The following PLS1 variants were observed in gnomAD, a reference collection of about 807,000 sequenced individuals.
PLS1 encodes plastin-1.
Under a neutral mutation model 73.7 loss-of-function variants are expected in PLS1, and 32 were observed. The observed-to-expected ratio is 0.43, with a 90% CI of 0.33 to 0.58. PLS1 has a LOEUF of 0.58. Among genes scored for constraint, PLS1 ranks in the 20% least tolerant of loss-of-function variants. The pLI, the probability that PLS1 is intolerant of heterozygous loss-of-function variation, is 0.04. For synonymous variants in PLS1, 217 were observed against 261.3 expected (o/e 0.83, Z 1.63); for missense variants, 633 against 740.5 (o/e 0.85, Z 1.68).
chr3:142,706,603 T>C (rs1047539861), intron 14 of PLS1, among the ~76,000 whole-genome samples: 6 of 152,088 alleles, frequency 3.9e-5, no homozygotes, highest in African/African-American at 1.4e-4. Flanking sequence ...GGAATACCAA[T>C]CTGAATGTAG....
chr3:142,621,946 C>T (rs1259453301), intron 1 of PLS1, among the ~76,000 whole-genome samples: 1 of 152,168 alleles, frequency 6.6e-6, no homozygotes, highest in Non-Finnish European at 1.5e-5. Flanking sequence ...AACATTAATG[C>T]CACCGCATCC....
intron 9 of PLS1, among the ~76,000 whole-genome samples, chr3:142,688,817 G>T (rs7635167): frequency 1.3e-5 from 2 of 152,136 alleles, no homozygotes; most frequent in African/African-American, 4.8e-5. Flanking sequence ...AGGTATTTGG[G>T]TTGTTTCATT....
chr3:142,600,790 GGAGA>G lies in PLS1; in HGVS notation c.-37+4289_-37+4292del, dbSNP rs753990506. Reference sequence around the variant, plus strand: ...AACGATGGTCCATTAAAAATGTCAAGGAGAGAGAGAGCAGTTGAGAGGAGAGACA... The same window carrying G: ...AACGATGGTCCATTAAAAATGTCAAGGAGAGAGCAGTTGAGAGGAGAGACA... On this transcript the variant is annotated intron_variant, in intron 1 of 15. Coordinates refer to ENST00000457734, the MANE Select transcript of PLS1 (RefSeq NM_001145319.2). 5.6e-5 allele frequency among the ~76,000 whole-genome samples: 8 copies of G among 143,738 alleles called. No homozygotes were observed. In the East Asian group the frequency reaches 8.6e-4, roughly 15 times the overall value. The allele number at this position is 143,738 out of a possible 152,430, so 94.3% of individuals were successfully genotyped here.
chr3:142,655,827 A>T (rs1410112371), intron 1 of PLS1, among the ~76,000 whole-genome samples: 1 of 152,022 alleles, frequency 6.6e-6, no homozygotes. Flanking sequence ...ATAATGGTGC[A>T]TAATTGAAGT....
chr3:142,650,755 C>T (rs983156786), intron 1 of PLS1, among the ~76,000 whole-genome samples: 1 of 152,082 alleles, frequency 6.6e-6, no homozygotes, highest in Non-Finnish European at 1.5e-5. Flanking sequence ...AAATTACACT[C>T]GAAGTGTTAA....
chr3:142,658,468 T>G (rs1297978311), intron 1 of PLS1, among the ~76,000 whole-genome samples: 1 of 149,182 alleles, frequency 6.7e-6, no homozygotes, highest in Non-Finnish European at 1.5e-5. Context: ...AAAGTGAGAC[T>G]TTGTCTCCAA....
chr3:142,647,165 C>T (rs191989682), intron 1 of PLS1, among the ~76,000 whole-genome samples: 42 of 152,172 alleles, frequency 2.8e-4, no homozygotes, highest in African/African-American at 7.9e-4. Context: ...AAAAGACTAA[C>T]GGAAAATTAA....
chr3:142,637,861 CCTCT>C (rs200550987), intron 1 of PLS1, among the ~76,000 whole-genome samples: 1 of 151,720 alleles, frequency 6.6e-6, no homozygotes, highest in African/African-American at 2.4e-5. Context: ...CCCCCCGCCC[CCTCT>C]CTCTCTCTAT....
At chr3:142,641,279 A>G (rs957839630) in intron 1 of PLS1, among the ~76,000 whole-genome samples, 1 of 146,006 alleles carries the variant, frequency 6.8e-6, no homozygotes, top group Non-Finnish European at 1.5e-5. Context: ...TATTATCTAT[A>G]TATCTATATT....
At chr3:142,647,148 A>G (rs1031339032) in intron 1 of PLS1, among the ~76,000 whole-genome samples, 2 of 152,232 alleles carry the variant, frequency 1.3e-5, no homozygotes, top group African/African-American at 2.4e-5. Flanking sequence ...CAAATTACCA[A>G]TAGTCAAAAA....
chr3:142,607,350 G>A (rs1454393230), intron 1 of PLS1, among the ~76,000 whole-genome samples: 2 of 152,114 alleles, frequency 1.3e-5, no homozygotes, highest in African/African-American at 4.8e-5. Context: ...TGCGATCTCG[G>A]CTCACTGCAA....
chr3:142,684,157 T>G lies in PLS1; in HGVS notation c.731T>G (p.Ile244Ser), dbSNP rs2037913272. The G allele has an allele frequency of 6.2e-7, 1 of 1,613,978 alleles. No individual in the cohort carries two copies. The highest frequency in any genetic ancestry group is 1.3e-5 in the African/African-American group (1 of 74,934). ...IKVGLFADIE[I>S]SRNEALIALL... ...GTTGGCCTTTTTGCTGATATTGAGA[T>G]TTCCAGGAATGAAGGTAAGATCATT... is the stretch of plus-strand genomic sequence containing the variant. The change falls in exon 7 of 16, where the codon ATT becomes AGT. Residue 244 changes from isoleucine (I) to serine (S), a missense_variant. Transcript: ENST00000457734.
chr3:142,669,958 G>A (rs1304345533), intron 3 of PLS1, among the ~76,000 whole-genome samples: 1 of 152,186 alleles, frequency 6.6e-6, no homozygotes, highest in Non-Finnish European at 1.5e-5. Flanking sequence ...TGTGAGTAAT[G>A]TGATGAGTAA....
chr3:142,617,529 G>A (rs749269503), intron 1 of PLS1, among the ~76,000 whole-genome samples: 17 of 152,072 alleles, frequency 1.1e-4, no homozygotes, highest in Non-Finnish European at 2.1e-4. Context: ...TGTATTAATC[G>A]TTTGTTCAAG....
rs1482080736 is a variant in PLS1, at chr3:142,629,201, T to A, written c.-37+32692T>A. Among the ~76,000 whole-genome samples the A allele has an allele frequency of 1.0e-4, 3 of 29,356 alleles. No individual in the cohort carries two copies. In the East Asian group the frequency reaches 1.5e-3, roughly 15 times the overall value. 19.3% of individuals were successfully genotyped at this position (29,356 alleles called of 152,430 possible). Reference sequence around the variant, plus strand: ...GGCTGTTTTAAGGATTGGAAATAATTTTTTTTTTTTTTTGAGACATAGTCT... The same window carrying A: ...GGCTGTTTTAAGGATTGGAAATAATATTTTTTTTTTTTTGAGACATAGTCT... On this transcript the variant is annotated intron_variant, in intron 1 of 15. Coordinates refer to ENST00000457734, the MANE Select transcript of PLS1 (RefSeq NM_001145319.2).
At position 142,704,522 on chromosome 3, in the gene PLS1, T is replaced by C; in HGVS notation, c.1565T>C (p.Ile522Thr). 6.3e-7 allele frequency: 1 copy of C among 1,595,452 alleles called. No homozygotes were observed. Among genetic ancestry groups the C allele is most frequent in the Non-Finnish European group, 8.6e-7 (1 of 1,165,240 alleles). The change falls in exon 14 of 16, where the codon ATA (isoleucine) becomes ACA (threonine). Residue 522 changes from isoleucine (I) to threonine (T), a missense_variant. Transcript: ENST00000457734. ...GGTGAAAAAGTAAATGATGAAATTA[T>C]AATTAAATGGGTCAATCAGACTCTT... ...GEGEKVNDEI[I>T]IKWVNQTLKS...
chr3:142,598,926 G>A (rs1265902954), intron 1 of PLS1, among the ~76,000 whole-genome samples: 1 of 151,892 alleles, frequency 6.6e-6, no homozygotes, highest in African/African-American at 2.4e-5. Context: ...GCATGAACCC[G>A]GGAGGCGGAG....
At chr3:142,612,801 T>G (rs994772004) in intron 1 of PLS1, among the ~76,000 whole-genome samples, 3 of 152,134 alleles carry the variant, frequency 2.0e-5, no homozygotes, top group Admixed American at 2.0e-4. Context: ...AGACAGAGTA[T>G]CAGTCTGTCA....
At chr3:142,680,579 A>C (rs1011578964) in intron 6 of PLS1, among the ~76,000 whole-genome samples, 1 of 152,208 alleles carries the variant, frequency 6.6e-6, no homozygotes, top group Non-Finnish European at 1.5e-5. Flanking sequence ...ACAAAATTTT[A>C]AACTAATCTT....
Sources: allele counts gnomAD v4.1 joint callset (sites outside exome capture counted in the v4.1 genomes callset), GRCh38; gene constraint gnomAD v4.1.1; transcripts MANE v1.5; gene names NCBI Gene and HGNC (gene_info 2026-07-23, HGNC 2026-07-21).